Variants in PLCXD3 observed in about 807,000 individuals in gnomAD.
PLCXD3 encodes PI-PLC X domain-containing protein 3.
PLCXD3 carries 19 observed loss-of-function variants against 25.5 expected under a neutral mutation model. That is an observed-to-expected ratio of 0.75 (90% CI 0.52 to 1.09). PLCXD3 has a LOEUF of 1.09. Ranked by LOEUF, PLCXD3 falls within the 50% of genes least tolerant of loss-of-function variation. The pLI, the probability that PLCXD3 is intolerant of heterozygous loss-of-function variation, is 0.00. For synonymous variants in PLCXD3, 174 were observed against 137.6 expected (o/e 1.26, Z -1.85); for missense variants, 411 against 388.1 (o/e 1.06, Z -0.50).
chr5:41,471,660 T>C (rs1748160376), intron 1 of PLCXD3, among the ~76,000 whole-genome samples: 1 of 152,156 alleles, frequency 6.6e-6, no homozygotes, highest in Admixed American at 6.5e-5. Flanking sequence ...TAATAGTAAG[T>C]ACACAGAAAA....
chr5:41,488,792 T>TA (rs1748580792), intron 1 of PLCXD3, among the ~76,000 whole-genome samples: 1 of 148,074 alleles, frequency 6.8e-6, no homozygotes, highest in Non-Finnish European at 1.5e-5. Flanking sequence ...TTTTTTCTTG[T>TA]AAATTTGTTT....
At chr5:41,414,431 A>G (rs889291292) in intron 1 of PLCXD3, among the ~76,000 whole-genome samples, 4 of 152,130 alleles carry the variant, frequency 2.6e-5, no homozygotes, top group Non-Finnish European at 5.9e-5. Flanking sequence ...AGTAGGCATT[A>G]TTTTTGATGG....
In PLCXD3 at chr5:41,449,260, T is replaced by G. The variant is rs530011533; in HGVS notation, c.103+61164A>C. Among the ~76,000 whole-genome samples, 4 of 152,340 alleles carry G rather than the reference T, an allele frequency of 2.6e-5. No homozygotes were observed. In the South Asian group the frequency reaches 8.3e-4, roughly 32 times the overall value. ...ATATCCTCATAGCAATTTGCATTAA[T>G]GCATTTTATACCAAAGCTCAGAAAA... On this transcript the variant is annotated intron_variant, in intron 1 of 2. Transcript: ENST00000377801.
In PLCXD3 at chr5:41,382,552, C is replaced by A. The variant is rs773873909; in HGVS notation, c.104-18G>T. The A allele has an allele frequency of 6.5e-7, 1 of 1,544,838 alleles. No homozygotes were observed. Among genetic ancestry groups the A allele is most frequent in the Non-Finnish European group, 8.7e-7 (1 of 1,147,460 alleles). On this transcript the variant is annotated intron_variant, in intron 1 of 2. Coordinates refer to ENST00000377801, the MANE Select transcript of PLCXD3 (RefSeq NM_001005473.3). ...ATGAGACCCTAGGAGAATAACAAGG[C>A]ATAGTGTGGTTAATTTCCACGTCTT...
chr5:41,494,936 A>C (rs1390967637), intron 1 of PLCXD3, among the ~76,000 whole-genome samples: 1 of 152,216 alleles, frequency 6.6e-6, no homozygotes, highest in Non-Finnish European at 1.5e-5. Flanking sequence ...GAAGAAAAAC[A>C]AGGTAAGTGT....
intron 1 of PLCXD3, among the ~76,000 whole-genome samples, chr5:41,492,072 C>T (rs911168955): frequency 5.9e-5 from 9 of 152,202 alleles, no homozygotes; most frequent in Non-Finnish European, 1.0e-4. Flanking sequence ...GTGGCTGGTA[C>T]TGGTTGTTCC....
chr5:41,310,251 A>T lies in PLCXD3; in HGVS notation c.*3366T>A, dbSNP rs1743103101. 6.6e-6 allele frequency: 1 copy of T among 152,122 alleles called. No individual in the cohort carries two copies. Among genetic ancestry groups the T allele is most frequent in the South Asian group, 2.1e-4 (1 of 4,826 alleles). 9.4% of individuals were successfully genotyped at this position (152,122 alleles called of 1,614,324 possible). On this transcript the variant is annotated 3_prime_UTR_variant, in exon 3 of 3. Transcript: ENST00000377801. ...CATAAATGATAATGGCAGAAGAAAA[A>T]TTTGCTATATTAGTCCTTGAAAATT...
chr5:41,398,744 C>G (rs1746085967), intron 1 of PLCXD3, among the ~76,000 whole-genome samples: 1 of 152,056 alleles, frequency 6.6e-6, no homozygotes, highest in Admixed American at 6.6e-5. Flanking sequence ...CCATATATGA[C>G]AGACCCACAG....
chr5:41,370,486 T>C (rs1463364594), intron 2 of PLCXD3, among the ~76,000 whole-genome samples: 2 of 152,208 alleles, frequency 1.3e-5, no homozygotes, highest in African/African-American at 4.8e-5. Flanking sequence ...TCTCATTGCC[T>C]AGAGTGATGT....
chr5:41,431,984 C>T (rs969771081), intron 1 of PLCXD3, among the ~76,000 whole-genome samples: 6 of 152,194 alleles, frequency 3.9e-5, no homozygotes, highest in South Asian at 2.1e-4. Flanking sequence ...AAGAGGACCA[C>T]GCAGGAGAAG....
chr5:41,388,062 T>A (rs1474661892), intron 1 of PLCXD3, among the ~76,000 whole-genome samples: 1 of 152,050 alleles, frequency 6.6e-6, no homozygotes, highest in African/African-American at 2.4e-5. Flanking sequence ...ACAGGGTACA[T>A]AATGGGACCA....
chr5:41,320,399 G>T (rs1743430450), intron 2 of PLCXD3, among the ~76,000 whole-genome samples: 1 of 152,200 alleles, frequency 6.6e-6, no homozygotes, highest in Non-Finnish European at 1.5e-5. Context: ...CTTAATTCAG[G>T]AATACATTAG....
intron 1 of PLCXD3, among the ~76,000 whole-genome samples, chr5:41,485,628 TGAACGCCA>T (rs1748500932): frequency 6.6e-6 from 1 of 152,132 alleles, no homozygotes. Flanking sequence ...TGTGGAAATT[TGAACGCCA>T]GAACAAAGCA....
In PLCXD3 at chr5:41,404,672, A is replaced by C. The variant is rs191718343; in HGVS notation, c.104-22138T>G. On this transcript the variant is annotated intron_variant, in intron 1 of 2. Coordinates refer to ENST00000377801, the MANE Select transcript of PLCXD3 (RefSeq NM_001005473.3). ...TGTATATGATATATAGTAAGTATGA[A>C]TCTTTCTCCATTTAATATCTTTCCA... is the stretch of plus-strand genomic sequence containing the variant. Among the ~76,000 whole-genome samples the C allele has an allele frequency of 2.2e-3, 328 of 152,292 alleles. 1 individual carries two copies. The highest frequency in any genetic ancestry group is 7.5e-3 in the African/African-American group (311 of 41,564).
At chr5:41,314,537 G>A (rs1743232042) in intron 2 of PLCXD3, among the ~76,000 whole-genome samples, 1 of 152,176 alleles carries the variant, frequency 6.6e-6, no homozygotes, top group South Asian at 2.1e-4. Flanking sequence ...GAGGAGAGAT[G>A]CAGATTGCAT....
intron 1 of PLCXD3, among the ~76,000 whole-genome samples, chr5:41,489,004 C>T (rs1263121561): frequency 2.0e-5 from 3 of 152,060 alleles, no homozygotes; most frequent in Admixed American, 6.5e-5. Context: ...AGTCCTTGCC[C>T]ATGCCTATGT....
At chr5:41,448,183 C>T (rs1210490428) in intron 1 of PLCXD3, among the ~76,000 whole-genome samples, 2 of 152,164 alleles carry the variant, frequency 1.3e-5, no homozygotes, top group African/African-American at 4.8e-5. Flanking sequence ...TGACAAGATG[C>T]TCTTGACTGG....
At chr5:41,422,098 A>G (rs1746842356) in intron 1 of PLCXD3, among the ~76,000 whole-genome samples, 1 of 152,196 alleles carries the variant, frequency 6.6e-6, no homozygotes, top group Admixed American at 6.5e-5. Flanking sequence ...CTTTATTCTT[A>G]GTCTTTATAG....
chr5:41,433,171 A>G (rs1747158522), intron 1 of PLCXD3, among the ~76,000 whole-genome samples: 1 of 152,206 alleles, frequency 6.6e-6, no homozygotes, highest in Non-Finnish European at 1.5e-5. Flanking sequence ...TGCTGGAGTC[A>G]GACCAGGATG....
Sources: gnomAD v4.1 joint callset for allele counts (sites outside exome capture counted in the v4.1 genomes callset) on GRCh38, gnomAD v4.1.1 for gene constraint, MANE v1.5 for transcripts, NCBI Gene and HGNC (gene_info 2026-07-23, HGNC 2026-07-21) for gene names.